Variants in DISC1 observed in about 807,000 individuals in gnomAD.
DISC1 encodes disrupted in schizophrenia 1 protein.
DISC1 carries 57 observed loss-of-function variants against 84.5 expected under a neutral mutation model. The ratio of observed to expected loss-of-function variants is 0.67; its 90% confidence interval spans 0.55 to 0.84. The LOEUF is 0.84. DISC1 is among the 40% of genes least tolerant of loss of function. DISC1 has a pLI of 0.00. For missense variants in DISC1, 1,000 were observed against 1,057.8 expected (o/e 0.95, Z 0.76); for synonymous variants, 411 against 415.2 (o/e 0.99, Z 0.12).
intron 9 of DISC1, among the ~76,000 whole-genome samples, chr1:231,864,959 A>G (rs1227711390): frequency 1.3e-5 from 2 of 152,198 alleles, no homozygotes; most frequent in Non-Finnish European, 2.9e-5. Flanking sequence ...AAAGTTTCTC[A>G]GTTATGTAGT....
chr1:231,963,499 A>G (rs1327706294), intron 10 of DISC1, among the ~76,000 whole-genome samples: 1 of 151,772 alleles, frequency 6.6e-6, no homozygotes, highest in Non-Finnish European at 1.5e-5. Flanking sequence ...ACCCCTCTGC[A>G]TGTGCCCTGG....
At chr1:231,913,279 T>G (rs1356941600) in intron 9 of DISC1, among the ~76,000 whole-genome samples, 2 of 152,190 alleles carry the variant, frequency 1.3e-5, no homozygotes, top group Non-Finnish European at 2.9e-5. Flanking sequence ...GGGGCACAAG[T>G]TTTATTTCTT....
At chr1:231,983,673 T>C (rs1297067015) in intron 10 of DISC1, among the ~76,000 whole-genome samples, 1 of 150,176 alleles carries the variant, frequency 6.7e-6, no homozygotes, top group South Asian at 2.1e-4. Flanking sequence ...GGTGGGACCC[T>C]TTCCTCCTGC....
chr1:231,645,589 A>G (rs960448189), intron 1 of DISC1, among the ~76,000 whole-genome samples: 2 of 151,848 alleles, frequency 1.3e-5, no homozygotes, highest in African/African-American at 2.4e-5. Context: ...TTACATAGGT[A>G]TACATGTGCT....
intron 9 of DISC1, among the ~76,000 whole-genome samples, chr1:231,874,389 G>T (rs1419465315): frequency 6.6e-6 from 1 of 151,326 alleles, no homozygotes; most frequent in Non-Finnish European, 1.5e-5. Flanking sequence ...TCGATCTCTT[G>T]ACCTCCTGAT....
chr1:231,981,236 G>A (rs1008945723), intron 10 of DISC1, among the ~76,000 whole-genome samples: 9 of 152,182 alleles, frequency 5.9e-5, no homozygotes, highest in African/African-American at 1.7e-4. Flanking sequence ...GAGCCACTGT[G>A]CCTGGCCTGA....
At chr1:231,961,782 G>T (rs758094430) in intron 10 of DISC1, among the ~76,000 whole-genome samples, 5 of 152,168 alleles carry the variant, frequency 3.3e-5, no homozygotes, top group Non-Finnish European at 5.9e-5. Flanking sequence ...TTTCACCATT[G>T]ATGGGCATCT....
chr1:231,887,993 G>A (rs1024197098), intron 9 of DISC1, among the ~76,000 whole-genome samples: 1 of 152,188 alleles, frequency 6.6e-6, no homozygotes, highest in Non-Finnish European at 1.5e-5. Flanking sequence ...TCATGTCAGC[G>A]AGCAAAGCAA....
Position 231,908,215 on chromosome 1 carries a change from G to A in DISC1, c.1982-50613G>A, listed in dbSNP as rs561501781. On this transcript the variant is annotated intron_variant, in intron 9 of 12. Transcript: ENST00000439617. The stretch of plus-strand genomic sequence containing the variant: ...TTTGTCAACTTTGGCTTTTGTTGCC[G>A]TTGCTTTTGGTGTTTTAGTCATGAA... 1.4e-3 allele frequency among the ~76,000 whole-genome samples: 219 copies of A among 152,126 alleles called. 1 individual carries two copies. The highest frequency in any genetic ancestry group is 5.0e-3 in the African/African-American group (209 of 41,524).
intron 9 of DISC1, among the ~76,000 whole-genome samples, chr1:231,839,757 G>A (rs941571137): frequency 6.6e-6 from 1 of 152,170 alleles, no homozygotes. Flanking sequence ...TCTGCTTCTG[G>A]CAAGGCCTCA....
At chr1:231,628,804 C>T (rs1003631649) in intron 1 of DISC1, among the ~76,000 whole-genome samples, 9 of 152,158 alleles carry the variant, frequency 5.9e-5, no homozygotes, top group Non-Finnish European at 1.2e-4. Flanking sequence ...TGCAGTGGCA[C>T]AATCATGGCT....
chr1:231,827,761 C>T, intron 9 of DISC1, among the ~76,000 whole-genome samples: 1 of 152,176 alleles, frequency 6.6e-6, no homozygotes, highest in Non-Finnish European at 1.5e-5. Flanking sequence ...GTCTAATCCA[C>T]TTTCCATTGA....
chr1:231,712,868 A>G (rs377342294), intron 3 of DISC1, among the ~76,000 whole-genome samples: 3 of 152,358 alleles, frequency 2.0e-5, no homozygotes, highest in African/African-American at 4.8e-5. Flanking sequence ...TAGACCATCT[A>G]AAGTCCAGGT....
rs16855473 is a variant in DISC1 at position 231,881,759 on chromosome 1, G to C, written c.1981+63242G>C. Among the ~76,000 whole-genome samples the C allele has an allele frequency of 8.9e-3, 555 of 62,140 alleles. 1 individual carries two copies. In the Middle Eastern group the frequency reaches 0.093, roughly 10 times the overall value. 40.8% of individuals were successfully genotyped at this position (62,140 alleles called of 152,430 possible). A position where few individuals can be genotyped will look rare whatever the true frequency, so the allele number is the denominator to read the frequency against. On this transcript the variant is annotated intron_variant, in intron 9 of 12. Coordinates refer to ENST00000439617, the MANE Select transcript of DISC1 (RefSeq NM_018662.3). ...CTGGAAACTATGCCGATCAGTCAAA[G>C]TTTCCAGAGCCAGTGAAATGTTCTC...
chr1:231,767,355 G>A, intron 5 of DISC1, 86 bp downstream of exon 5: 1 of 1,552,052 alleles, frequency 6.4e-7, no homozygotes, highest in Non-Finnish European at 8.7e-7. Context: ...TAGGTTGGAG[G>A]GCAGTGGTGC....
chr1:231,851,736 T>C (rs1574262495), intron 9 of DISC1, among the ~76,000 whole-genome samples: 1 of 152,164 alleles, frequency 6.6e-6, no homozygotes, highest in African/African-American at 2.4e-5. Context: ...GGCTGGCTGG[T>C]CTTCATGTGG....
chr1:231,642,836 T>A (rs2059835768), intron 1 of DISC1, among the ~76,000 whole-genome samples: 1 of 152,236 alleles, frequency 6.6e-6, no homozygotes, highest in African/African-American at 2.4e-5. Context: ...CGTCTGTCAT[T>A]GCCTTTCTCT....
chr1:231,825,738 A>AT (rs2081817667), intron 9 of DISC1, among the ~76,000 whole-genome samples: 1 of 152,044 alleles, frequency 6.6e-6, no homozygotes, highest in African/African-American at 2.4e-5. Context: ...CTTCAGCCTA[A>AT]TGCTTTATGT....
intron 1 of DISC1, among the ~76,000 whole-genome samples, chr1:231,639,583 C>T (rs915463463): frequency 6.6e-6 from 1 of 152,174 alleles, no homozygotes; most frequent in African/African-American, 2.4e-5. Context: ...CCACAACCGG[C>T]TGAGTGGCCA....
Sources: allele counts gnomAD v4.1 joint callset (sites outside exome capture counted in the v4.1 genomes callset), GRCh38; gene constraint gnomAD v4.1.1; transcripts MANE v1.5; gene names NCBI Gene and HGNC (gene_info 2026-07-23, HGNC 2026-07-21).